SLC28A1: variants seen among roughly 807,000 people sequenced by gnomAD.
SLC28A1 encodes solute carrier family 28 member 1.
SLC28A1 carries 64 observed loss-of-function variants against 74.8 expected under a neutral mutation model. The observed-to-expected ratio is 0.86, with a 90% CI of 0.70 to 1.05. The LOEUF (loss-of-function observed/expected upper bound fraction) is 1.05, where lower values mean the gene tolerates loss of function less well. Among genes scored for constraint, SLC28A1 ranks in the 50% least tolerant of loss-of-function variants. The pLI is 0.00. For missense variants in SLC28A1, 828 were observed against 822.8 expected (o/e 1.01, Z -0.08); for synonymous variants, 359 against 335.0 (o/e 1.07, Z -0.78).
chr15:84,912,298 A>T (rs1471589683), intron 9 of SLC28A1, among the ~76,000 whole-genome samples: 2 of 152,238 alleles, frequency 1.3e-5, no homozygotes, highest in African/African-American at 4.8e-5. Flanking sequence ...TCTATGAATC[A>T]TACAGACCTA....
At chr15:84,931,557 C>T (rs962685976) in intron 12 of SLC28A1, among the ~76,000 whole-genome samples, 3 of 127,338 alleles carry the variant, frequency 2.4e-5, no homozygotes, top group African/African-American at 9.0e-5. Flanking sequence ...GAGGCTGAGG[C>T]AGGAGAATGG....
At chr15:84,912,845 C>CAG (rs1968545534) in intron 9 of SLC28A1, among the ~76,000 whole-genome samples, 4 of 124,796 alleles carry the variant, frequency 3.2e-5, no homozygotes, top group Admixed American at 8.1e-5. Context: ...CACACACACA[C>CAG]ACAGATCAAA....
intron 8 of SLC28A1, among the ~76,000 whole-genome samples, chr15:84,905,951 T>G (rs550684700): frequency 9.7e-6 from 1 of 103,458 alleles, no homozygotes; most frequent in South Asian, 3.9e-4. Flanking sequence ...AACCCAAATC[T>G]GCAAATGATT....
At chr15:84,970,711 TTA>T in the SLC28A1 span, among the ~76,000 whole-genome samples, 1 of 151,994 alleles carries the variant, frequency 6.6e-6, no homozygotes. Context: ...TAAAATCATC[TTA>T]AGGGTCGGGC....
the SLC28A1 span, among the ~76,000 whole-genome samples, chr15:84,964,247 G>GGGGAAGGAAACGATAAGGGCAT: frequency 0.027 from 4,107 of 152,016 alleles, 327 homozygotes; most frequent in Admixed American, 0.16. Flanking sequence ...AGGAAGGGAA[G>GGGGAAGGAAACGATAAGGGCAT]GGGAAGGAAA....
chr15:84,964,329 A>T, the SLC28A1 span, among the ~76,000 whole-genome samples: 1 of 152,116 alleles, frequency 6.6e-6, no homozygotes, highest in Non-Finnish European at 1.5e-5. Flanking sequence ...ACAGGGAAGG[A>T]GGCAAGGAAG....
the SLC28A1 span, among the ~76,000 whole-genome samples, chr15:84,974,111 A>G: frequency 9.9e-4 from 151 of 152,332 alleles, 1 homozygote; most frequent in African/African-American, 3.5e-3. Flanking sequence ...CTTTGGATTA[A>G]GAACTTTAAA....
rs1971763107 is a variant in SLC28A1, at chr15:84,935,405, G to C, written c.1468G>C (p.Gly490Arg). 6.2e-7 allele frequency: 1 copy of C among 1,614,230 alleles called. No individual in the cohort carries two copies. Among genetic ancestry groups the C allele is most frequent in the Non-Finnish European group, 8.5e-7 (1 of 1,180,034 alleles). Residue 490 changes from glycine to arginine, a missense_variant, in exon 15 of 19, where the codon GGG becomes CGG. This residue lies in a region of SLC28A1 where 767 missense variants were observed against 753.5 expected (regional missense o/e 1.02). Coordinates refer to ENST00000394573, the MANE Select transcript of SLC28A1 (RefSeq NM_004213.5). Reference sequence around the variant, plus strand: ...CTGCCCAGTGGTAGCTGAGCTGCTGGGGATCAAGCTGTTTCTGAACGAGTT... The same window carrying C: ...CTGCCCAGTGGTAGCTGAGCTGCTGCGGATCAAGCTGTTTCTGAACGAGTT... ...EDCPVVAELLGIKLFLNEFVA... is the reference protein window; with the variant it reads ...EDCPVVAELLRIKLFLNEFVA...
intron 13 of SLC28A1, among the ~76,000 whole-genome samples, chr15:84,934,199 C>T (rs1542283): frequency 0.095 from 14,472 of 152,250 alleles, 1,327 homozygotes; most frequent in East Asian, 0.52. Context: ...ATGCGCACTC[C>T]AGTTCTCACA....
rs1555449976 is a variant in SLC28A1, at chr15:84,916,240, C to CAGGTGTGAGCCACCA, written c.796-2284_796-2283insAGGTGTGAGCCACCA. 2.0e-3 allele frequency among the ~76,000 whole-genome samples: 199 copies of CAGGTGTGAGCCACCA among 98,058 alleles called. 1 individual carries two copies. The highest frequency in any genetic ancestry group is 3.2e-3 in the East Asian group (11 of 3,396). The allele number at this position is 98,058 out of a possible 152,430, so 64.3% of individuals were successfully genotyped here. A position where few individuals can be genotyped will look rare whatever the true frequency, so the allele number is the denominator to read the frequency against. On this transcript the variant is annotated intron_variant, in intron 9 of 18. Transcript: ENST00000394573. ...TCGGCCTCCCAAAGTGCTGGGATTA[C>CAGGTGTGAGCCACCA]TTTTTTTTTTTTTTTTTCAAACATG...
chr15:84,933,985 C>T (rs1052453168), intron 13 of SLC28A1, among the ~76,000 whole-genome samples: 3 of 152,084 alleles, frequency 2.0e-5, no homozygotes, highest in Admixed American at 2.0e-4. Context: ...AAAAACAAAA[C>T]AAAAAGCCAC....
At chr15:84,918,408 C>T in intron 9 of SLC28A1, 116 bp from the exon 10 acceptor site, 1 of 790,522 alleles carries the variant, frequency 1.3e-6, no homozygotes, top group East Asian at 2.4e-5. Context: ...TCCTGTCAGG[C>T]ATCTGAGTGG....
At chr15:84,943,580 G>T in intron 16 of SLC28A1, 54 bp downstream of exon 16, 1 of 1,372,512 alleles carries the variant, frequency 7.3e-7, no homozygotes, top group Non-Finnish European at 1.0e-6. Flanking sequence ...ACTTGAACTT[G>T]CTCGGGACAT....
Position 84,944,766 on chromosome 15 carries a change from C to A in SLC28A1, c.1773C>A (p.Tyr591Ter). ...ACTTTCCCTCTACAGGGATCCTCTA[C>A]ATGCCCAGGGGGGCTGAAGTTGACT... Reference protein sequence around the residue: ...LVNACMAGILYMPRGAEVDCM... With the variant: ...LVNACMAGIL Residue 591 changes from tyrosine (Y) to a stop codon, truncating the protein, a stop_gained, in exon 18 of 19, where the codon TAC becomes TAA. Transcript: ENST00000394573. LOFTEE classifies it high-confidence loss of function. 2 of 1,613,646 alleles carry A rather than the reference C, an allele frequency of 1.2e-6. No individual in the cohort carries two copies. Among genetic ancestry groups the A allele is most frequent in the East Asian group, 2.2e-5 (1 of 44,868 alleles).
At chr15:84,924,698 A>G (rs183912258) in intron 12 of SLC28A1, among the ~76,000 whole-genome samples, 12 of 152,356 alleles carry the variant, frequency 7.9e-5, no homozygotes, top group Admixed American at 2.6e-4. Context: ...CATCCCTCAC[A>G]TAATGCCCGG....
chr15:84,918,424 C>A, intron 9 of SLC28A1, 100 bp from the exon 10 acceptor site: 1 of 847,898 alleles, frequency 1.2e-6, no homozygotes. Context: ...AGTGGCAAGG[C>A]CTGGGATGGA....
At chr15:84,951,142 A>G in the SLC28A1 span, among the ~76,000 whole-genome samples, 1 of 152,116 alleles carries the variant, frequency 6.6e-6, no homozygotes. Flanking sequence ...CACCCGAGAG[A>G]TGGAGCAGCT....
intron 5 of SLC28A1, among the ~76,000 whole-genome samples, chr15:84,893,170 CT>C (rs1965555298): frequency 6.6e-6 from 1 of 152,168 alleles, no homozygotes; most frequent in African/African-American, 2.4e-5. Context: ...GTGTGAGGCA[CT>C]CATCTCGGCT....
chr15:84,914,941 T>C (rs1968875579), intron 9 of SLC28A1, among the ~76,000 whole-genome samples: 1 of 152,192 alleles, frequency 6.6e-6, no homozygotes, highest in South Asian at 2.1e-4. Context: ...GTCTCACAGA[T>C]AGAAAATCTT....
Sources: allele counts gnomAD v4.1 joint callset (sites outside exome capture counted in the v4.1 genomes callset), GRCh38; gene constraint gnomAD v4.1.1; regional missense constraint gnomAD v4.1.1; transcripts MANE v1.5; gene names NCBI Gene and HGNC (gene_info 2026-07-23, HGNC 2026-07-21).